CACNA1C: variants seen among roughly 807,000 people sequenced by gnomAD.
CACNA1C encodes calcium voltage-gated channel subunit alpha1 C.
In CACNA1C, 30 loss-of-function variants were observed where a neutral mutation model predicts 229.0. That is an observed-to-expected ratio of 0.13 (90% CI 0.10 to 0.18). CACNA1C has a LOEUF of 0.18. Ranked by LOEUF, CACNA1C falls within the 10% of genes least tolerant of loss-of-function variation. The probability of loss-of-function intolerance (pLI) is 1.00; values close to 1 mark genes in which losing one functional copy is unlikely to be tolerated. For synonymous variants in CACNA1C, 1,114 were observed against 1,132.5 expected, an observed-to-expected ratio of 0.98 and a Z score of 0.33; for missense variants, 1,658 against 2,845.0, an observed-to-expected ratio of 0.58 and a Z score of 9.49.
At chr12:2,341,200 T>G (rs1185790371) in intron 3 of CACNA1C, among the ~76,000 whole-genome samples, 1 of 152,196 alleles carries the variant, frequency 6.6e-6, no homozygotes, top group Non-Finnish European at 1.5e-5. Flanking sequence ...ACACAGATCC[T>G]GGTTCCTCCC....
In CACNA1C at chr12:1,971,690, G is replaced by A. The variant is rs966326573; in HGVS notation, c.139+489G>A. Among the ~76,000 whole-genome samples, 10 of 152,194 alleles carry A rather than the reference G, an allele frequency of 6.6e-5. No homozygotes were observed. The highest frequency in any genetic ancestry group is 1.0e-4 in the Non-Finnish European group (7 of 68,040). ...CCATTAAAGGCAGTGTCATGTCAGC[G>A]TCATTCAAATGTACATTTTCATTTG... On this transcript the variant is annotated intron_variant, in intron 1 of 46. Coordinates refer to the CACNA1C transcript ENST00000682462. This position sits in a 1 kb window ranked among gnomAD's most constrained non-coding sequence, Gnocchi z 4.2.
At chr12:2,036,612 T>A (rs2049189159) in intron 1 of CACNA1C, among the ~76,000 whole-genome samples, 1 of 152,132 alleles carries the variant, frequency 6.6e-6, no homozygotes, top group African/African-American at 2.4e-5. Flanking sequence ...ATTACAGGCA[T>A]GCGCCACCAC....
At chr12:2,472,593 A>ACT (rs750156891) in intron 5 of CACNA1C, among the ~76,000 whole-genome samples, 272 of 148,740 alleles carry the variant, frequency 1.8e-3, no homozygotes, top group Middle Eastern at 3.5e-3. Flanking sequence ...CATATGTAGC[A>ACT]CTCTCTCTAT....
chr12:2,057,008 G>A (rs2055250643), intron 1 of CACNA1C, among the ~76,000 whole-genome samples: 1 of 152,200 alleles, frequency 6.6e-6, no homozygotes, highest in African/African-American at 2.4e-5. Flanking sequence ...TCCTAAGACT[G>A]TTTAAAGATT....
At chr12:2,239,451 C>T (rs1566606043) in intron 3 of CACNA1C, among the ~76,000 whole-genome samples, 3 of 152,148 alleles carry the variant, frequency 2.0e-5, no homozygotes, top group African/African-American at 2.4e-5. Context: ...CCTCGCGGCC[C>T]TCTGCCCAGT....
intron 1 of CACNA1C, among the ~76,000 whole-genome samples, chr12:2,000,808 G>A (rs1413933009): frequency 6.6e-6 from 1 of 152,148 alleles, no homozygotes; most frequent in Non-Finnish European, 1.5e-5. Flanking sequence ...AGGCCGAGGC[G>A]GGTGGATCAC....
At chr12:2,304,184 T>C (rs2094819197) in intron 3 of CACNA1C, among the ~76,000 whole-genome samples, 1 of 151,922 alleles carries the variant, frequency 6.6e-6, no homozygotes, top group African/African-American at 2.4e-5. Flanking sequence ...TGAACTCTGG[T>C]GGAAAGTGAA....
At position 2,004,423 on chromosome 12, in the gene CACNA1C, G is replaced by C. The variant is rs200127830; in HGVS notation, c.139+33222G>C. On this transcript the variant is annotated intron_variant, in intron 1 of 46. Coordinates refer to the CACNA1C transcript ENST00000682462. ...TTCCCACCAGGCCGCCTGCCGCCACGGCTGCCATCTTCCCTCCCTCCCAGA... is the reference window on the plus strand; with the variant it reads ...TTCCCACCAGGCCGCCTGCCGCCACCGCTGCCATCTTCCCTCCCTCCCAGA... 6.2e-6 allele frequency: 10 copies of C among 1,609,640 alleles called. No homozygotes were observed. In the East Asian group the frequency reaches 2.0e-4, roughly 32 times the overall value.
chr12:2,489,235 C>A (rs1251042654), intron 6 of CACNA1C, among the ~76,000 whole-genome samples: 1 of 152,032 alleles, frequency 6.6e-6, no homozygotes, highest in African/African-American at 2.4e-5. Context: ...ACATCAAATT[C>A]TTTTTATAGT....
At position 2,678,287 on chromosome 12, in the gene CACNA1C, A is replaced by C. The variant is rs977552194; in HGVS notation, c.5091+420A>C. Among the ~76,000 whole-genome samples, 1 of 152,310 alleles carries C rather than the reference A, an allele frequency of 6.6e-6. No individual in the cohort carries two copies. ...GGAGACCTGGTAATATTAAGCTTGC[A>C]TTCCCACAGGGCAGCAGAGGGCCGG... On this transcript the variant is annotated intron_variant, in intron 41 of 46. Coordinates refer to ENST00000399655, the MANE Select transcript of CACNA1C (RefSeq NM_000719.7). The surrounding 1 kb of genome is among the most constrained non-coding windows in gnomAD (Gnocchi z 4.1).
chr12:2,564,592 C>T (rs1811278015), intron 11 of CACNA1C, among the ~76,000 whole-genome samples: 1 of 152,134 alleles, frequency 6.6e-6, no homozygotes, highest in Admixed American at 6.5e-5. Flanking sequence ...TCATAACTGA[C>T]CCCTCTGCCT....
chr12:2,104,041 G>T (rs1409925067), intron 1 of CACNA1C, among the ~76,000 whole-genome samples: 1 of 152,202 alleles, frequency 6.6e-6, no homozygotes, highest in Non-Finnish European at 1.5e-5. Context: ...TTCTGCTTAG[G>T]ATTGTCTTGG....
At chr12:2,089,965 G>C (rs140818054) in intron 1 of CACNA1C, among the ~76,000 whole-genome samples, 4,610 of 152,230 alleles carry the variant, frequency 0.03, 245 homozygotes, top group African/African-American at 0.1. Context: ...GGAGGCGGAG[G>C]TTGCGGTGAG....
chr12:2,550,373 C>T (rs1401648095), intron 10 of CACNA1C, among the ~76,000 whole-genome samples: 1 of 152,126 alleles, frequency 6.6e-6, no homozygotes, highest in Non-Finnish European at 1.5e-5. Flanking sequence ...TCTTTCACTC[C>T]AGTCCCTTTC....
chr12:2,228,791 T>G (rs2063806015), intron 3 of CACNA1C, among the ~76,000 whole-genome samples: 1 of 152,220 alleles, frequency 6.6e-6, no homozygotes. Context: ...TGACTTTTTC[T>G]GTCTTCTGCC....
intron 18 of CACNA1C, among the ~76,000 whole-genome samples, chr12:2,590,766 T>C (rs772508564): frequency 1.3e-5 from 2 of 152,164 alleles, no homozygotes; most frequent in Admixed American, 6.5e-5. Context: ...TAAATATGGG[T>C]TTCTGTAAAC....
At chr12:2,634,417 T>C in intron 30 of CACNA1C, 37 bp downstream of exon 30, 1 of 1,104,184 alleles carries the variant, frequency 9.1e-7, no homozygotes, top group Non-Finnish European at 1.3e-6. Context: ...CGTCCGTGCC[T>C]GCTCTAACAC....
intron 3 of CACNA1C, among the ~76,000 whole-genome samples, chr12:2,430,873 C>G (rs2099076447): frequency 6.6e-6 from 1 of 152,126 alleles, no homozygotes; most frequent in African/African-American, 2.4e-5. Context: ...TGTTTCTCCT[C>G]TGTTCCTGAG....
In CACNA1C at chr12:2,319,112, C is replaced by T. The variant is rs921546060; in HGVS notation, c.478-129864C>T. Among the ~76,000 whole-genome samples, 1 of 152,122 alleles carries T rather than the reference C, an allele frequency of 6.6e-6. No homozygotes were observed. Among genetic ancestry groups the T allele is most frequent in the South Asian group, 2.1e-4 (1 of 4,820 alleles). ...TGTTTCCTGGGGCTGTGAAGTTCAT[C>T]GGCTCCTTTTCCTACCCCATCACCT... On this transcript the variant is annotated intron_variant, in intron 3 of 46. Transcript: ENST00000399655. This position sits in a 1 kb window ranked among gnomAD's most constrained non-coding sequence, Gnocchi z 4.0.
Sources: allele counts gnomAD v4.1 joint callset (sites outside exome capture counted in the v4.1 genomes callset), GRCh38; gene constraint gnomAD v4.1.1; non-coding constraint Gnocchi (gnomAD v3.1); transcripts MANE v1.5; gene names NCBI Gene and HGNC (gene_info 2026-07-23, HGNC 2026-07-21).